EXOC6B: variants seen among roughly 807,000 people sequenced by gnomAD.
EXOC6B encodes exocyst complex component 6B, also known as SEC15 homolog B.
EXOC6B carries 54 observed loss-of-function variants against 113.5 expected under a neutral mutation model. That is an observed-to-expected ratio of 0.48 (90% confidence interval 0.38 to 0.60). The LOEUF (loss-of-function observed/expected upper bound fraction) is 0.60, where lower values mean the gene tolerates loss of function less well. EXOC6B is among the 20% of genes least tolerant of loss of function. The pLI, the probability that EXOC6B is intolerant of heterozygous loss-of-function variation, is 0.00. For missense variants in EXOC6B, 797 were observed against 977.5 expected (o/e 0.82, Z 2.46); for synonymous variants, 357 against 339.0 (o/e 1.05, Z -0.58).
intron 19 of EXOC6B, among the ~76,000 whole-genome samples, chr2:72,356,548 C>CA (rs972500532): frequency 6.6e-6 from 1 of 151,842 alleles, no homozygotes; most frequent in Non-Finnish European, 1.5e-5. Flanking sequence ...GTATCTCAAA[C>CA]AAAAAAACAA....
At position 72,496,456 on chromosome 2, in the gene EXOC6B, T is replaced by C. The variant is rs538884972; in HGVS notation, c.1441A>G (p.Lys481Glu). The C allele has an allele frequency of 6.4e-7, 1 of 1,572,880 alleles. No homozygotes were observed. The highest frequency in any genetic ancestry group is 1.8e-5 in the Admixed American group (1 of 56,810). ...ATTTATTTTAAAGTATTCCTTACCT[T>C]TTCCAGTTCTATATCTTGAAATGGG... ...QFPFQDIELE[K>E]QPFPKKFPFS... The change falls in exon 14 of 22, where the codon AAG becomes GAG. Residue 481 changes from lysine to glutamate, a missense_variant and splice_region_variant. Transcript: ENST00000272427.
chr2:72,825,812 G>A lies in EXOC6B; in HGVS notation c.99C>T (p.Ile33=), dbSNP rs757338182. The A allele has an allele frequency of 2.5e-6, 4 of 1,592,168 alleles. No homozygotes were observed. The highest frequency in any genetic ancestry group is 3.4e-5 in the Admixed American group (2 of 59,334). Reference sequence around the variant, plus strand: ...ACCCGGGGTACCTGAGCGTGGGCCCGATGCAGGCCGTGTCAGTGCTCTCGA... The same window carrying A: ...ACCCGGGGTACCTGAGCGTGGGCCCAATGCAGGCCGTGTCAGTGCTCTCGA... ...REIESTDTAC[I]GPTLRSVYDG... Residue 33 remains isoleucine (I), a synonymous_variant, in exon 1 of 22, where the codon ATC becomes ATT. Transcript: ENST00000272427. This position sits in a 1 kb window ranked among gnomAD's most constrained non-coding sequence, Gnocchi z 4.4.
intron 1 of EXOC6B, among the ~76,000 whole-genome samples, chr2:72,790,267 A>C (rs977774828): frequency 6.6e-6 from 1 of 152,234 alleles, no homozygotes; most frequent in Non-Finnish European, 1.5e-5. Flanking sequence ...GAATACAATC[A>C]CATAAACCTA....
chr2:72,247,714 G>A (rs1460261686), intron 20 of EXOC6B, among the ~76,000 whole-genome samples: 1 of 152,160 alleles, frequency 6.6e-6, no homozygotes, highest in Non-Finnish European at 1.5e-5. Flanking sequence ...AAGCAAAAAT[G>A]GGAAATTTGC....
chr2:72,730,976 T>C (rs1301300210), intron 5 of EXOC6B, 31 bp downstream of exon 5: 1 of 1,485,302 alleles, frequency 6.7e-7, no homozygotes. Context: ...TTTTAGATAG[T>C]AAAAACTGTT....
At chr2:72,785,562 C>T (rs918814174) in intron 1 of EXOC6B, among the ~76,000 whole-genome samples, 3 of 152,258 alleles carry the variant, frequency 2.0e-5, no homozygotes, top group African/African-American at 7.2e-5. Context: ...ATGCTCAACA[C>T]CACATGGAAG....
intron 7 of EXOC6B, among the ~76,000 whole-genome samples, chr2:72,561,853 G>T (rs1170143041): frequency 6.6e-6 from 1 of 152,090 alleles, no homozygotes; most frequent in East Asian, 1.9e-4. Flanking sequence ...GCTCTCACTT[G>T]TAAGTATTGT....
intron 1 of EXOC6B, among the ~76,000 whole-genome samples, chr2:72,781,956 T>C (rs1191422918): frequency 3.3e-5 from 5 of 151,770 alleles, no homozygotes; most frequent in Non-Finnish European, 1.5e-5. Context: ...CTGGCCAACA[T>C]GGTGAAACCC....
intron 1 of EXOC6B, among the ~76,000 whole-genome samples, chr2:72,823,417 T>C (rs1686689195): frequency 1.4e-5 from 2 of 141,654 alleles, no homozygotes. Flanking sequence ...GTTGACCCTC[T>C]GTATCTGCAG....
intron 6 of EXOC6B, among the ~76,000 whole-genome samples, chr2:72,615,986 C>A (rs906483620): frequency 6.6e-5 from 10 of 151,406 alleles, no homozygotes; most frequent in Non-Finnish European, 1.3e-4. Flanking sequence ...CAATGTAAAC[C>A]AAAATAAACA....
intron 19 of EXOC6B, among the ~76,000 whole-genome samples, chr2:72,366,830 CAG>C: frequency 6.7e-6 from 1 of 149,952 alleles, no homozygotes; most frequent in Non-Finnish European, 1.5e-5. Context: ...ATTCATTATA[CAG>C]TGAAAACATC....
intron 6 of EXOC6B, among the ~76,000 whole-genome samples, chr2:72,626,459 C>A (rs902847805): frequency 6.6e-6 from 1 of 152,124 alleles, no homozygotes; most frequent in Non-Finnish European, 1.5e-5. Flanking sequence ...GGTTATCAGA[C>A]AAGATGATTT....
intron 18 of EXOC6B, among the ~76,000 whole-genome samples, chr2:72,434,696 G>A (rs1695747416): frequency 6.6e-6 from 1 of 152,178 alleles, no homozygotes; most frequent in Non-Finnish European, 1.5e-5. Flanking sequence ...TTTGCGTAGA[G>A]GTGTTTATAG....
chr2:72,623,558 T>C (rs1046600480), intron 6 of EXOC6B, among the ~76,000 whole-genome samples: 1 of 152,134 alleles, frequency 6.6e-6, no homozygotes, highest in Non-Finnish European at 1.5e-5. Flanking sequence ...TAGAGAAAAC[T>C]GCCAAAGTAA....
chr2:72,326,730 G>A (rs1251003639), intron 20 of EXOC6B, among the ~76,000 whole-genome samples: 1 of 151,910 alleles, frequency 6.6e-6, no homozygotes, highest in East Asian at 1.9e-4. Flanking sequence ...CTAATGGAAA[G>A]GGTGTTCTAT....
chr2:72,328,917 A>C (rs894218035), intron 20 of EXOC6B, among the ~76,000 whole-genome samples: 1 of 152,070 alleles, frequency 6.6e-6, no homozygotes, highest in Non-Finnish European at 1.5e-5. Context: ...GACATCTTCT[A>C]ATTCCATGAG....
chr2:72,749,895 T>C (rs578072053), intron 1 of EXOC6B, among the ~76,000 whole-genome samples: 22 of 151,996 alleles, frequency 1.4e-4, no homozygotes, highest in African/African-American at 5.1e-4. Flanking sequence ...ACCATGCAAG[T>C]TTCCTAGAAT....
At chr2:72,585,101 G>T (rs1705471683) in intron 6 of EXOC6B, among the ~76,000 whole-genome samples, 1 of 151,964 alleles carries the variant, frequency 6.6e-6, no homozygotes, top group South Asian at 2.1e-4. Context: ...CTAGAGAAAT[G>T]AGAAAAACAA....
rs1553371308 is a variant in EXOC6B at position 72,307,161 on chromosome 2, G to GTTTTTTTTTTTTTTTTT, written c.2196+27785_2196+27786insAAAAAAAAAAAAAAAAA. Among the ~76,000 whole-genome samples the GTTTTTTTTTTTTTTTTT allele has an allele frequency of 2.2e-4, 28 of 128,490 alleles. 2 individuals carry two copies. The highest frequency in any genetic ancestry group is 1.0e-3 in the African/African-American group (27 of 26,196). 84.3% of individuals were successfully genotyped at this position (128,490 alleles called of 152,430 possible). A position where few individuals can be genotyped will look rare whatever the true frequency, so the allele number is the denominator to read the frequency against. On this transcript the variant is annotated intron_variant, in intron 20 of 21. Coordinates refer to ENST00000272427, the MANE Select transcript of EXOC6B (RefSeq NM_015189.3). ...TCCATGACTGCAATGGTATAGTCCA[G>GTTTTTTTTTTTTTTTTT]TTTTTTTTTTTTTGAGACGGAGTCT...
Sources: allele counts gnomAD v4.1 joint callset (sites outside exome capture counted in the v4.1 genomes callset), GRCh38; gene constraint gnomAD v4.1.1; non-coding constraint Gnocchi (gnomAD v3.1); transcripts MANE v1.5; gene names NCBI Gene and HGNC (gene_info 2026-07-23, HGNC 2026-07-21).